STK3: variants seen among roughly 807,000 people sequenced by gnomAD.
STK3 encodes serine/threonine-protein kinase 3.
Under a neutral mutation model 58.0 loss-of-function variants are expected in STK3, and 41 were observed. The observed-to-expected ratio is 0.71, with a 90% CI of 0.55 to 0.92. The LOEUF (loss-of-function observed/expected upper bound fraction) is 0.92. Among genes scored for constraint, STK3 ranks in the 40% least tolerant of loss-of-function variants. The pLI, the probability that STK3 is intolerant of heterozygous loss-of-function variation, is 0.00. For synonymous variants in STK3, 170 were observed against 191.0 expected (o/e 0.89, Z 0.91); for missense variants, 479 against 602.7 (o/e 0.79, Z 2.15).
intron 3 of STK3, among the ~76,000 whole-genome samples, chr8:98,856,805 A>G (rs1366272165): frequency 6.6e-6 from 1 of 152,242 alleles, no homozygotes; most frequent in Non-Finnish European, 1.5e-5. Context: ...AAACAACCCA[A>G]TGTCCATCAA....
chr8:98,442,445 C>T (rs1210149999), intron 1 of STK3, among the ~76,000 whole-genome samples: 1 of 152,266 alleles, frequency 6.6e-6, no homozygotes, highest in Non-Finnish European at 1.5e-5. Context: ...GCACCAATGG[C>T]ACTTCCAGAA....
At chr8:98,382,008 T>G (rs1294424707) in intron 1 of STK3, among the ~76,000 whole-genome samples, 2 of 152,222 alleles carry the variant, frequency 1.3e-5, no homozygotes, top group Admixed American at 1.3e-4. Context: ...TCCCCCCACT[T>G]AAATTTTGTG....
chr8:98,500,314 C>T (rs1445243896), intron 10 of STK3, among the ~76,000 whole-genome samples: 1 of 152,052 alleles, frequency 6.6e-6, no homozygotes, highest in African/African-American at 2.4e-5. Context: ...GGTGGATCAT[C>T]CGAGGTCAGG....
chr8:98,589,756 T>C (rs563738944), intron 7 of STK3, among the ~76,000 whole-genome samples: 1 of 152,334 alleles, frequency 6.6e-6, no homozygotes, highest in South Asian at 2.1e-4. Context: ...CGAGACTCCG[T>C]GGGCATAGGA....
intron 10 of STK3, among the ~76,000 whole-genome samples, chr8:98,470,746 A>G (rs1303415686): frequency 6.6e-6 from 1 of 152,218 alleles, no homozygotes; most frequent in Non-Finnish European, 1.5e-5. Flanking sequence ...GGGTGACAGC[A>G]TAAGCTTCCC....
chr8:98,486,923 T>C (rs958947130), intron 10 of STK3, among the ~76,000 whole-genome samples: 20 of 152,168 alleles, frequency 1.3e-4, no homozygotes, highest in African/African-American at 4.3e-4. Flanking sequence ...AAGCAATACA[T>C]AGGCTTTTGT....
At chr8:98,893,773 T>C (rs1203690789) in intron 1 of STK3, among the ~76,000 whole-genome samples, 1 of 152,162 alleles carries the variant, frequency 6.6e-6, no homozygotes, top group Non-Finnish European at 1.5e-5. Context: ...GCTGGCTCAA[T>C]GACTGTGGCC....
At chr8:98,884,559 C>G (rs573366160) in intron 1 of STK3, among the ~76,000 whole-genome samples, 1 of 152,198 alleles carries the variant, frequency 6.6e-6, no homozygotes, top group South Asian at 2.1e-4. Context: ...TTTCCTGGTT[C>G]AGGATTGCAG....
chr8:98,659,582 C>T (rs1481855369), intron 6 of STK3, among the ~76,000 whole-genome samples: 2 of 151,612 alleles, frequency 1.3e-5, no homozygotes, highest in African/African-American at 4.9e-5. Context: ...AGCCTTGAGG[C>T]AGCATTAGGT....
chr8:98,840,583 GTATATATATA>G (rs59274441), intron 3 of STK3, among the ~76,000 whole-genome samples: 1,139 of 80,090 alleles, frequency 0.014, 36 homozygotes, highest in African/African-American at 0.044. Context: ...AGAAAAAAAT[GTATATATATA>G]TATATATATA....
At chr8:98,712,676 A>T (rs369438905) in intron 4 of STK3, among the ~76,000 whole-genome samples, 9 of 151,994 alleles carry the variant, frequency 5.9e-5, no homozygotes, top group South Asian at 2.1e-4. Context: ...CTCCCACACA[A>T]TAATAATGGG....
intron 3 of STK3, among the ~76,000 whole-genome samples, chr8:98,760,341 C>T (rs1183906602): frequency 2.0e-5 from 3 of 152,082 alleles, no homozygotes; most frequent in African/African-American, 7.2e-5. Context: ...GGTCTCACTA[C>T]GTTATCCAGG....
chr8:98,681,648 T>C (rs537866666), intron 6 of STK3, among the ~76,000 whole-genome samples: 1 of 152,302 alleles, frequency 6.6e-6, no homozygotes, highest in East Asian at 1.9e-4. Context: ...TCACTCAAAC[T>C]ATACAGTAAT....
At chr8:98,808,180 C>T (rs1240566141) in intron 1 of STK3, among the ~76,000 whole-genome samples, 1 of 152,180 alleles carries the variant, frequency 6.6e-6, no homozygotes, top group East Asian at 1.9e-4. Context: ...TCCTAACAGC[C>T]ACTGTATTTC....
At chr8:98,822,299 T>C (rs1428641808) in intron 1 of STK3, among the ~76,000 whole-genome samples, 1 of 152,136 alleles carries the variant, frequency 6.6e-6, no homozygotes. Context: ...TTTCTTTTTG[T>C]TTTGTTTTTA....
intron 1 of STK3, among the ~76,000 whole-genome samples, chr8:98,932,107 A>C (rs1840024216): frequency 2.0e-5 from 3 of 152,226 alleles, no homozygotes; most frequent in Non-Finnish European, 4.4e-5. Context: ...TTAACAGTGG[A>C]AAATGGAAGA....
intron 1 of STK3, among the ~76,000 whole-genome samples, chr8:98,781,758 C>A (rs919875248): frequency 6.6e-6 from 1 of 151,494 alleles, no homozygotes; most frequent in Admixed American, 6.6e-5. Flanking sequence ...AAGCAAAATT[C>A]AACATTCACA....
chr8:98,819,499 T>C (rs116166667), intron 1 of STK3, among the ~76,000 whole-genome samples: 211 of 152,306 alleles, frequency 1.4e-3, no homozygotes, highest in African/African-American at 5.0e-3. Context: ...CTAATCAAGT[T>C]AATGCCACCC....
intron 10 of STK3, among the ~76,000 whole-genome samples, chr8:98,467,604 A>G (rs950575415): frequency 2.0e-5 from 3 of 151,582 alleles, no homozygotes; most frequent in Middle Eastern, 3.2e-3. Context: ...TTGCAGTTGA[A>G]GTAAAGCAAA....
Sources: allele counts gnomAD v4.1 joint callset (sites outside exome capture counted in the v4.1 genomes callset), GRCh38; gene constraint gnomAD v4.1.1; transcripts MANE v1.5; gene names NCBI Gene and HGNC (gene_info 2026-07-23, HGNC 2026-07-21).